Variants in SUPT3H observed in about 807,000 individuals in gnomAD.
The protein encoded by SUPT3H is SPT3 homolog, SAGA and STAGA complex component, also known as transcription initiation protein SPT3 homolog.
SUPT3H carries 44 observed loss-of-function variants against 44.3 expected under a neutral mutation model. The observed-to-expected ratio is 0.99, with a 90% CI of 0.78 to 1.28. SUPT3H has a LOEUF of 1.28. SUPT3H is among the 50% of genes most tolerant of loss of function. The pLI is 0.00. For missense variants in SUPT3H, 380 were observed against 387.1 expected (o/e 0.98, Z 0.15); for synonymous variants, 124 against 125.6 (o/e 0.99, Z 0.09).
At chr6:45,226,808 C>T (rs954786975) in intron 2 of SUPT3H, among the ~76,000 whole-genome samples, 1 of 151,844 alleles carries the variant, frequency 6.6e-6, no homozygotes, top group East Asian at 1.9e-4. Context: ...GGATTACAGG[C>T]GTGAGCCACT....
intron 2 of SUPT3H, among the ~76,000 whole-genome samples, chr6:45,119,909 C>T (rs1801370005): frequency 6.6e-6 from 1 of 151,932 alleles, no homozygotes; most frequent in African/African-American, 2.4e-5. Context: ...AAAATATATA[C>T]AATTTAGAAT....
At chr6:44,856,954 A>T (rs554542144) in intron 10 of SUPT3H, among the ~76,000 whole-genome samples, 1 of 152,330 alleles carries the variant, frequency 6.6e-6, no homozygotes, top group South Asian at 2.1e-4. Flanking sequence ...TTCGGTATTC[A>T]CGAGTATAGA....
rs772636836 is a variant in SUPT3H at position 44,829,736 on chromosome 6, G to GTATTT, written c.*75_*79dup. 3.5e-5 allele frequency: 52 copies of GTATTT among 1,503,088 alleles called. No homozygotes were observed. Among genetic ancestry groups the GTATTT allele is most frequent in the Non-Finnish European group, 4.5e-5 (49 of 1,090,680 alleles). 93.1% of individuals were successfully genotyped at this position (1,503,088 alleles called of 1,614,324 possible). A position where few individuals can be genotyped will look rare whatever the true frequency, so the allele number is the denominator to read the frequency against. The stretch of plus-strand genomic sequence containing the variant: ...CCTCAGATAAAAGAAAGGTAAATTT[G>GTATTT]TATTTTATTTTGTTCACAAGAAATC... On this transcript the variant is annotated 3_prime_UTR_variant, in exon 11 of 11. Transcript: ENST00000371459.
chr6:45,008,605 T>G (rs1393687514), intron 5 of SUPT3H, among the ~76,000 whole-genome samples: 1 of 152,072 alleles, frequency 6.6e-6, no homozygotes, highest in East Asian at 1.9e-4. Flanking sequence ...TCCTCCTGCC[T>G]CAGCCTCCCA....
chr6:45,298,792 T>C (rs927025196), intron 2 of SUPT3H, among the ~76,000 whole-genome samples: 5 of 152,126 alleles, frequency 3.3e-5, no homozygotes, highest in African/African-American at 1.2e-4. Context: ...CTAAAGTAAC[T>C]CTCTAGAATA....
rs188099438 is a variant in SUPT3H at position 45,069,943 on chromosome 6, T to C, written c.186+35979A>G. ...CTGCCAACAGCTGCGGGTAGCAGCATTTCTAACTGCCAGAAGAGGAAAACA... is the reference window on the plus strand; with the variant it reads ...CTGCCAACAGCTGCGGGTAGCAGCACTTCTAACTGCCAGAAGAGGAAAACA... On this transcript the variant is annotated intron_variant, in intron 3 of 10. Transcript: ENST00000371459. Among the ~76,000 whole-genome samples, 10 of 152,208 alleles carry C rather than the reference T, an allele frequency of 6.6e-5. No homozygotes were observed. In the East Asian group the frequency reaches 1.7e-3, roughly 26 times the overall value.
chr6:45,316,838 C>T (rs7764969), intron 2 of SUPT3H, among the ~76,000 whole-genome samples: 18,436 of 151,958 alleles, frequency 0.12, 1,296 homozygotes, highest in African/African-American at 0.19. Context: ...CCAGGCACAG[C>T]GGCTCATGCC....
chr6:45,165,767 A>G (rs1465313442), intron 2 of SUPT3H, among the ~76,000 whole-genome samples: 1 of 152,192 alleles, frequency 6.6e-6, no homozygotes, highest in Non-Finnish European at 1.5e-5. Flanking sequence ...CCAAAAACAT[A>G]AAGACAAGTG....
intron 2 of SUPT3H, among the ~76,000 whole-genome samples, chr6:45,197,379 C>T (rs959465531): frequency 5.9e-5 from 9 of 151,338 alleles, no homozygotes; most frequent in Non-Finnish European, 1.0e-4. Flanking sequence ...AAAAATAAAT[C>T]TACCAAGGAA....
intron 3 of SUPT3H, among the ~76,000 whole-genome samples, chr6:45,044,820 A>G (rs1789121317): frequency 6.6e-6 from 1 of 151,586 alleles, no homozygotes; most frequent in East Asian, 2.1e-4. Context: ...CAGTTTTAGA[A>G]TAAAGCCACT....
chr6:44,938,550 A>G (rs1342950020), intron 9 of SUPT3H, among the ~76,000 whole-genome samples: 1 of 152,082 alleles, frequency 6.6e-6, no homozygotes, highest in East Asian at 1.9e-4. Flanking sequence ...TGTTTTGCCT[A>G]TTTGAGCACT....
At chr6:45,149,731 A>T (rs980960828) in intron 2 of SUPT3H, among the ~76,000 whole-genome samples, 1 of 152,170 alleles carries the variant, frequency 6.6e-6, no homozygotes, top group Admixed American at 6.6e-5. Flanking sequence ...AGCAAAGTCT[A>T]AAAAATGTTA....
At chr6:45,188,895 G>A (rs1300268375) in intron 2 of SUPT3H, among the ~76,000 whole-genome samples, 1 of 152,094 alleles carries the variant, frequency 6.6e-6, no homozygotes, top group African/African-American at 2.4e-5. Context: ...AGGTAAAAAA[G>A]TATTCATTGT....
intron 10 of SUPT3H, among the ~76,000 whole-genome samples, chr6:44,852,510 A>G (rs1461727252): frequency 6.6e-6 from 1 of 152,172 alleles, no homozygotes; most frequent in African/African-American, 2.4e-5. Flanking sequence ...TTGAAAAATT[A>G]AGTGGAGAAG....
intron 3 of SUPT3H, among the ~76,000 whole-genome samples, chr6:45,078,810 C>T (rs868024238): frequency 5.3e-5 from 8 of 152,074 alleles, no homozygotes; most frequent in South Asian, 2.1e-4. Flanking sequence ...GGTAAATATA[C>T]GGATAGTCTA....
At chr6:45,355,801 G>A (rs1793050138) in intron 2 of SUPT3H, among the ~76,000 whole-genome samples, 1 of 152,166 alleles carries the variant, frequency 6.6e-6, no homozygotes, top group South Asian at 2.1e-4. Context: ...GAAATGGGTT[G>A]TATTCCAAGT....
At chr6:45,099,839 T>A (rs981791838) in intron 3 of SUPT3H, among the ~76,000 whole-genome samples, 2 of 152,122 alleles carry the variant, frequency 1.3e-5, no homozygotes, top group Admixed American at 6.5e-5. Flanking sequence ...CACTTTTGTT[T>A]TCAGGATAAT....
rs560796568 is a variant in SUPT3H, at chr6:45,024,223, G to A, written c.187-3591C>T. On this transcript the variant is annotated intron_variant, in intron 3 of 10. Transcript: ENST00000371459. The stretch of plus-strand genomic sequence containing the variant: ...TTAAGTATGTTATAATACTTTATTA[G>A]GAGGTTGAGAAGTAAAAGGTACACT... Among the ~76,000 whole-genome samples, 309 of 152,132 alleles carry A rather than the reference G, an allele frequency of 2.0e-3. 1 individual carries two copies. The highest frequency in any genetic ancestry group is 3.6e-3 in the Non-Finnish European group (245 of 67,998).
chr6:45,156,952 G>A (rs1436400939), intron 2 of SUPT3H, among the ~76,000 whole-genome samples: 1 of 152,008 alleles, frequency 6.6e-6, no homozygotes, highest in Non-Finnish European at 1.5e-5. Context: ...AGACACATGT[G>A]TAAAGAACTT....
Sources: gnomAD v4.1 joint callset for allele counts (sites outside exome capture counted in the v4.1 genomes callset) on GRCh38, gnomAD v4.1.1 for gene constraint, MANE v1.5 for transcripts, NCBI Gene and HGNC (gene_info 2026-07-23, HGNC 2026-07-21) for gene names.